UBE2D2: variants seen among roughly 807,000 people sequenced by gnomAD.
UBE2D2 encodes the protein ubiquitin conjugating enzyme E2 D2, also known as ubiquitin-conjugating enzyme E2 D2.
In UBE2D2, 2 loss-of-function variants were observed where a neutral mutation model predicts 24.2. The observed-to-expected ratio is 0.08, with a 90% confidence interval of 0.03 to 0.26. UBE2D2 has a LOEUF of 0.26. UBE2D2 is among the 10% of genes least tolerant of loss of function. The probability of loss-of-function intolerance (pLI) is 1.00; values close to 1 mark genes in which losing one functional copy is unlikely to be tolerated. For missense variants in UBE2D2, 44 were observed against 177.6 expected (o/e 0.25, Z 4.28); for synonymous variants, 58 against 56.5 (o/e 1.03, Z -0.12).
chr5:139,558,757 C>T (rs770459455), upstream of UBE2D2, among the ~76,000 whole-genome samples: 2 of 152,016 alleles, frequency 1.3e-5, no homozygotes, highest in Non-Finnish European at 1.5e-5. Flanking sequence ...GTGTGGGTGA[C>T]TTTTATTTCC....
intron 1 of UBE2D2, among the ~76,000 whole-genome samples, chr5:139,550,676 C>T (rs1351201275): frequency 2.0e-5 from 3 of 149,982 alleles, no homozygotes; most frequent in East Asian, 2.0e-4. Context: ...GCTCTGCAGC[C>T]TCAATCCTGA....
chr5:139,544,627 A>C (rs919021422), intron 1 of UBE2D2, among the ~76,000 whole-genome samples: 4 of 151,808 alleles, frequency 2.6e-5, no homozygotes, highest in Admixed American at 2.0e-4. Context: ...ACACACACAC[A>C]CACACCCCAA....
chr5:139,584,875 A>G (rs1753692462), intron 1 of UBE2D2, among the ~76,000 whole-genome samples: 1 of 147,336 alleles, frequency 6.8e-6, no homozygotes, highest in African/African-American at 2.5e-5. Context: ...ACATCATAAT[A>G]TATTGTGTAT....
intron 1 of UBE2D2, among the ~76,000 whole-genome samples, chr5:139,577,390 C>T (rs1047854899): frequency 6.7e-6 from 1 of 148,486 alleles, no homozygotes; most frequent in Admixed American, 6.8e-5. Flanking sequence ...AACAGGATGC[C>T]AGTTAGCATC....
At chr5:139,559,065 T>G (rs1313562122), upstream of UBE2D2, among the ~76,000 whole-genome samples, 1 of 151,986 alleles carries the variant, frequency 6.6e-6, no homozygotes, top group Non-Finnish European at 1.5e-5. Context: ...CTTCCCAAAT[T>G]ACTGAGATTA....
intron 1 of UBE2D2, among the ~76,000 whole-genome samples, chr5:139,530,072 C>T (rs150032900): frequency 0.037 from 5,687 of 152,268 alleles, 131 homozygotes; most frequent in Non-Finnish European, 0.058. Context: ...AGGATTCACT[C>T]ATCCTGTAAG....
intron 1 of UBE2D2, among the ~76,000 whole-genome samples, chr5:139,545,058 C>T (rs1367151701): frequency 7.2e-5 from 11 of 152,098 alleles, no homozygotes; most frequent in Non-Finnish European, 8.8e-5. Flanking sequence ...GGATTTCAGG[C>T]GTGAGCCACT....
intron 6 of UBE2D2, among the ~76,000 whole-genome samples, chr5:139,624,943 T>A (rs542279220): frequency 2.6e-5 from 4 of 152,342 alleles, no homozygotes; most frequent in Admixed American, 6.5e-5. Flanking sequence ...TGTCCGATAT[T>A]TAGAATTGTG....
In UBE2D2 at chr5:139,600,274, C is replaced by G. The variant is rs367920840; in HGVS notation, c.25-98C>G. 7.7e-5 allele frequency: 100 copies of G among 1,295,398 alleles called. No individual in the cohort carries two copies. In the East Asian group the frequency reaches 9.2e-4, roughly 12 times the overall value. The allele number at this position is 1,295,398 out of a possible 1,614,324, so 80.2% of individuals were successfully genotyped here. On this transcript the variant is annotated intron_variant, in intron 1 of 6. Transcript: ENST00000398733. Reference sequence around the variant, plus strand: ...AAGGAATGCTCTTAAGAGAGTTTCACCAGCAGGACAGAGAATATTGGTAAC... The same window carrying G: ...AAGGAATGCTCTTAAGAGAGTTTCAGCAGCAGGACAGAGAATATTGGTAAC...
intron 1 of UBE2D2, among the ~76,000 whole-genome samples, chr5:139,552,448 A>G (rs1181087867): frequency 6.6e-6 from 1 of 151,102 alleles, no homozygotes; most frequent in East Asian, 2.0e-4. Flanking sequence ...GATTACATGC[A>G]TGAACCACCG....
intron 5 of UBE2D2, among the ~76,000 whole-genome samples, chr5:139,622,205 T>C (rs1754524584): frequency 6.6e-6 from 1 of 152,122 alleles, no homozygotes; most frequent in Non-Finnish European, 1.5e-5. Flanking sequence ...TTAACATTAA[T>C]TTTCTGCTAT....
chr5:139,571,915 A>G (rs1753359543), intron 1 of UBE2D2, among the ~76,000 whole-genome samples: 1 of 151,406 alleles, frequency 6.6e-6, no homozygotes, highest in Admixed American at 6.6e-5. Flanking sequence ...AAACTTATCG[A>G]AGGTTTTCCC....
intron 2 of UBE2D2, among the ~76,000 whole-genome samples, chr5:139,605,429 A>G (rs1000119430): frequency 6.6e-6 from 1 of 151,664 alleles, no homozygotes; most frequent in African/African-American, 2.4e-5. Flanking sequence ...CGTCTCTACT[A>G]AAAATACAAA....
intron 1 of UBE2D2, among the ~76,000 whole-genome samples, chr5:139,590,172 A>G (rs1284894840): frequency 6.6e-6 from 1 of 152,174 alleles, no homozygotes; most frequent in Non-Finnish European, 1.5e-5. Context: ...AAAATAGGAA[A>G]TAAAGGATCT....
chr5:139,603,646 A>G (rs867096198), intron 2 of UBE2D2, among the ~76,000 whole-genome samples: 3 of 141,508 alleles, frequency 2.1e-5, no homozygotes, highest in African/African-American at 7.8e-5. Flanking sequence ...AAAAAAAAAA[A>G]GGCTGGGTGT....
At chr5:139,551,423 A>G (rs939889683) in intron 1 of UBE2D2, among the ~76,000 whole-genome samples, 3 of 152,212 alleles carry the variant, frequency 2.0e-5, no homozygotes, top group Non-Finnish European at 4.4e-5. Context: ...CAGAAGAGGG[A>G]CAATATTTGT....
intron 1 of UBE2D2, among the ~76,000 whole-genome samples, chr5:139,550,409 G>C (rs1238229055): frequency 6.6e-6 from 1 of 152,138 alleles, no homozygotes; most frequent in Non-Finnish European, 1.5e-5. Flanking sequence ...AGACCAATCA[G>C]CTGTCTGTAA....
intron 1 of UBE2D2, among the ~76,000 whole-genome samples, chr5:139,547,692 A>T (rs1044750268): frequency 8.0e-5 from 12 of 149,664 alleles, no homozygotes; most frequent in East Asian, 4.0e-4. Flanking sequence ...ATTTTATTTT[A>T]TTTATTTTTT....
intron 1 of UBE2D2, among the ~76,000 whole-genome samples, chr5:139,548,159 G>A (rs1335296188): frequency 5.1e-4 from 2 of 3,922 alleles, no homozygotes; most frequent in East Asian, 8.6e-3. Flanking sequence ...GCGAGACTCC[G>A]TCTCAAAAAA....
Sources: allele counts gnomAD v4.1 joint callset (sites outside exome capture counted in the v4.1 genomes callset), GRCh38; gene constraint gnomAD v4.1.1; transcripts MANE v1.5; gene names NCBI Gene and HGNC (gene_info 2026-07-23, HGNC 2026-07-21).